Variants in PI4KA observed in about 807,000 individuals in gnomAD.
The protein encoded by PI4KA is phosphatidylinositol 4-kinase alpha.
PI4KA carries 122 observed loss-of-function variants against 271.4 expected under a neutral mutation model. That is an observed-to-expected ratio of 0.45 (90% confidence interval 0.39 to 0.52). The LOEUF is 0.52. PI4KA is among the 20% of genes least tolerant of loss of function. PI4KA has a pLI of 0.00. For missense variants in PI4KA, 1,969 were observed against 2,769.1 expected (o/e 0.71, Z 6.48); for synonymous variants, 1,041 against 1,078.8 (o/e 0.96, Z 0.69).
chr22:20,708,350 A>C (rs1330554705), intron 54 of PI4KA, among the ~76,000 whole-genome samples: 6 of 151,728 alleles, frequency 4.0e-5, no homozygotes, highest in East Asian at 3.9e-4. Context: ...GCCCCATGGG[A>C]CTCGGGCCCC....
intron 19 of PI4KA, chr22:20,786,102 A>T: frequency 6.2e-7 from 1 of 1,614,146 alleles, no homozygotes. Context: ...TTTGACAAAA[A>T]TGGCAACATG....
intron 10 of PI4KA, 107 bp from the exon 11 acceptor site, chr22:20,805,272 G>T: frequency 2.6e-6 from 2 of 780,294 alleles, no homozygotes; most frequent in Non-Finnish European, 4.1e-6. Context: ...CCCCAGAAAA[G>T]TAGCATTTGC....
chr22:20,824,848 G>A (rs1923192419), intron 3 of PI4KA, among the ~76,000 whole-genome samples: 1 of 151,446 alleles, frequency 6.6e-6, no homozygotes. Context: ...AAGGCAGACG[G>A]ATCACCTGAG....
chr22:20,853,789 C>T (rs1927274999), intron 1 of PI4KA, among the ~76,000 whole-genome samples: 1 of 151,838 alleles, frequency 6.6e-6, no homozygotes, highest in Non-Finnish European at 1.5e-5. Flanking sequence ...AGAATGGGAT[C>T]TTGGTCAGGT....
chr22:20,765,646 C>T lies in PI4KA; in HGVS notation c.2376G>A (p.Gln792=). The T allele has an allele frequency of 6.2e-7, 1 of 1,611,662 alleles. No homozygotes were observed. Among genetic ancestry groups the T allele is most frequent in the East Asian group, 2.2e-5 (1 of 44,776 alleles). Residue 792 remains glutamine (Q), a synonymous_variant, in exon 20 of 55, where the codon CAG becomes CAA. Coordinates refer to ENST00000255882, the MANE Select transcript of PI4KA (RefSeq NM_058004.4). ...ACAGCCAGAAGTCTCGGAAGAGCTT[C>T]TGTAACCGAGGCTTAGCTTCTTTGA... ...PPIKEAKPRL[Q]KLFRDFWLYS... is the part of the protein sequence containing the mutation.
At chr22:20,712,645 G>C (rs2147171783) in intron 49 of PI4KA, 34 bp from the exon 50 acceptor site, 1 of 1,557,164 alleles carries the variant, frequency 6.4e-7, no homozygotes, top group African/African-American at 1.4e-5. Context: ...GGCCCGCTGG[G>C]TGCGAGGTGC....
At chr22:20,733,250 T>C (rs1928283775) in intron 35 of PI4KA, 152 bp from the exon 36 acceptor site, 1 of 739,242 alleles carries the variant, frequency 1.4e-6, no homozygotes, top group Admixed American at 2.4e-5. Flanking sequence ...TCTGGCCCAT[T>C]CCCATGGGAA....
In PI4KA at chr22:20,849,490, ATAT is replaced by A. The variant is rs534936751; in HGVS notation, c.156+9077_156+9079del. On this transcript the variant is annotated intron_variant, in intron 1 of 54. Coordinates refer to ENST00000255882, the MANE Select transcript of PI4KA (RefSeq NM_058004.4). ...GATAAAATATGGTATATGCATACAA[ATAT>A]TATTTAGTAATAAAAATGAAGTAAT... Among the ~76,000 whole-genome samples the A allele has an allele frequency of 6.4e-3, 971 of 152,358 alleles. 17 individuals are homozygous for A. Among genetic ancestry groups the A allele is most frequent in the African/African-American group, 0.022 (932 of 41,588 alleles).
At chr22:20,846,134 G>A (rs1184534313) in intron 1 of PI4KA, among the ~76,000 whole-genome samples, 1 of 150,662 alleles carries the variant, frequency 6.6e-6, no homozygotes, top group Non-Finnish European at 1.5e-5. Context: ...CTTGGTGGCG[G>A]GTGCCTGTAG....
chr22:20,761,579 C>T (rs191970990), intron 22 of PI4KA, among the ~76,000 whole-genome samples, 193 bp from the exon 23 acceptor site: 2 of 152,296 alleles, frequency 1.3e-5, no homozygotes, highest in African/African-American at 4.8e-5. Flanking sequence ...TTCACTCCAG[C>T]AGCCCCACCA....
chr22:20,799,534 G>C (rs1935174415), intron 15 of PI4KA, 137 bp downstream of exon 15: 14 of 745,836 alleles, frequency 1.9e-5, no homozygotes, highest in South Asian at 1.5e-4. Flanking sequence ...CTTAAATCTT[G>C]TGACAACCCT....
At chr22:20,845,030 C>T (rs1601611073) in intron 1 of PI4KA, among the ~76,000 whole-genome samples, 1 of 152,242 alleles carries the variant, frequency 6.6e-6, no homozygotes, top group African/African-American at 2.4e-5. Context: ...CCACGATGGC[C>T]AGGGTTATTC....
intron 6 of PI4KA, 41 bp downstream of exon 6, chr22:20,819,600 G>C: frequency 1.3e-6 from 2 of 1,574,320 alleles, no homozygotes; most frequent in Non-Finnish European, 1.7e-6. Context: ...AGCTTAACAG[G>C]GTCTTTCTCC....
intron 23 of PI4KA, among the ~76,000 whole-genome samples, chr22:20,760,902 G>A (rs141005025): frequency 5.9e-5 from 9 of 152,286 alleles, no homozygotes; most frequent in South Asian, 4.1e-4. Flanking sequence ...GGGCTCAAGC[G>A]ATCCTCCCAC....
intron 1 of PI4KA, among the ~76,000 whole-genome samples, chr22:20,856,202 C>T (rs141311724): frequency 4.1e-4 from 62 of 152,280 alleles, no homozygotes; most frequent in South Asian, 8.3e-4. Flanking sequence ...GTCCCAGCTA[C>T]TCAGGAGGCT....
chr22:20,785,542 G>C (rs1934150394), intron 19 of PI4KA, among the ~76,000 whole-genome samples: 1 of 152,184 alleles, frequency 6.6e-6, no homozygotes. Context: ...CGCCCCCTTA[G>C]GGATTGAGTA....
At chr22:20,784,226 C>CA (rs1393110462) in intron 19 of PI4KA, 1 of 1,613,770 alleles carries the variant, frequency 6.2e-7, no homozygotes, top group South Asian at 1.1e-5. Context: ...GGAGAGATGG[C>CA]AAAAAAGCAT....
intron 44 of PI4KA, 23 bp from the exon 45 acceptor site, chr22:20,717,801 T>C: frequency 6.5e-7 from 1 of 1,529,530 alleles, no homozygotes; most frequent in South Asian, 1.2e-5. Flanking sequence ...AAAGAAATTC[T>C]TGCTTTGTCT....
At chr22:20,832,462 T>C (rs73162829) in intron 3 of PI4KA, among the ~76,000 whole-genome samples, 9,556 of 151,346 alleles carry the variant, frequency 0.063, 305 homozygotes, top group East Asian at 0.078. Flanking sequence ...AGTTTGGTTG[T>C]TTTCTTTTTG....
Sources: allele counts gnomAD v4.1 joint callset (sites outside exome capture counted in the v4.1 genomes callset), GRCh38; gene constraint gnomAD v4.1.1; transcripts MANE v1.5; gene names NCBI Gene and HGNC (gene_info 2026-07-23, HGNC 2026-07-21).